CACNA1B: variants seen among roughly 807,000 people sequenced by gnomAD.
The protein encoded by CACNA1B is calcium voltage-gated channel subunit alpha1 B.
Under a neutral mutation model 247.2 loss-of-function variants are expected in CACNA1B, and 70 were observed. The observed-to-expected ratio is 0.28, with a 90% confidence interval of 0.23 to 0.35. CACNA1B has a LOEUF of 0.35. Among genes scored for constraint, CACNA1B ranks in the 10% least tolerant of loss-of-function variants. The pLI is 1.00. For synonymous variants in CACNA1B, 1,231 were observed against 1,294.4 expected (o/e 0.95, Z 1.05); for missense variants, 2,367 against 3,197.4 (o/e 0.74, Z 6.26).
At chr9:137,960,139 G>A (rs986678495) in intron 10 of CACNA1B, among the ~76,000 whole-genome samples, 2 of 136,492 alleles carry the variant, frequency 1.5e-5, no homozygotes, top group African/African-American at 2.8e-5. Flanking sequence ...GACCTGGAGA[G>A]AGAGGGGAGC....
At chr9:137,948,083 C>T (rs772206789) in intron 6 of CACNA1B, among the ~76,000 whole-genome samples, 8 of 148,568 alleles carry the variant, frequency 5.4e-5, no homozygotes, top group African/African-American at 7.6e-5. Context: ...CAAGCTCAAG[C>T]GATTTTCCTG....
At chr9:138,024,900 G>T (rs143939370) in intron 19 of CACNA1B, 55 bp from the exon 20 acceptor site, 1 of 1,284,842 alleles carries the variant, frequency 7.8e-7, no homozygotes. Context: ...TCCCGGTGCC[G>T]GGATCACAGG....
chr9:137,963,687 A>G (rs1958044973), intron 10 of CACNA1B, among the ~76,000 whole-genome samples: 1 of 152,172 alleles, frequency 6.6e-6, no homozygotes, highest in South Asian at 2.1e-4. Flanking sequence ...GTGAGCCACC[A>G]TGGCCCGCCT....
chr9:138,118,260 C>T (rs1391582916), intron 43 of CACNA1B, among the ~76,000 whole-genome samples, 179 bp downstream of exon 43: 9 of 21,998 alleles, frequency 4.1e-4, no homozygotes, highest in African/African-American at 2.1e-3. Context: ...TGTGTGAGAC[C>T]AGGGTGGGGG....
chr9:137,883,935 G>A (rs1199727925), intron 3 of CACNA1B, among the ~76,000 whole-genome samples: 2 of 150,934 alleles, frequency 1.3e-5, no homozygotes, highest in African/African-American at 2.4e-5. Context: ...GGTGGCAGAG[G>A]AGGAAGGAGA....
chr9:138,040,181 C>A (rs891488046), intron 20 of CACNA1B, among the ~76,000 whole-genome samples: 1 of 152,068 alleles, frequency 6.6e-6, no homozygotes, highest in African/African-American at 2.4e-5. Flanking sequence ...TCAAGTGATC[C>A]ACCTGCCTTG....
intron 15 of CACNA1B, among the ~76,000 whole-genome samples, chr9:137,994,975 C>T (rs886921609): frequency 3.9e-5 from 6 of 152,066 alleles, no homozygotes; most frequent in South Asian, 4.1e-4. Context: ...AAGGCCAAGG[C>T]GGGCAGATTA....
At chr9:137,980,836 TA>T (rs200168011) in intron 12 of CACNA1B, among the ~76,000 whole-genome samples, 1,635 of 152,346 alleles carry the variant, frequency 0.011, 10 homozygotes, top group African/African-American at 0.013. Flanking sequence ...AAATACATGT[TA>T]TTTTTTTTAA....
At chr9:137,995,690 T>G (rs1021875263) in intron 15 of CACNA1B, among the ~76,000 whole-genome samples, 2 of 152,178 alleles carry the variant, frequency 1.3e-5, no homozygotes, top group Non-Finnish European at 2.9e-5. Context: ...TGAGACTTAA[T>G]TAAACTACAA....
rs1003234791 is a variant in CACNA1B, at chr9:137,994,245, T to C, written c.1974+7391T>C. Among the ~76,000 whole-genome samples the C allele has an allele frequency of 3.3e-5, 5 of 152,282 alleles. No individual in the cohort carries two copies. The East Asian group carries it at 9.7e-4, about 29-fold the overall frequency. ...GACAAACCCACAGCCAACATAATAC[T>C]GAACCAGTAAAAGTTTGAAAGTATT... is the stretch of plus-strand genomic sequence containing the variant. On this transcript the variant is annotated intron_variant, in intron 15 of 46. Coordinates refer to ENST00000371372, the MANE Select transcript of CACNA1B (RefSeq NM_000718.4).
intron 20 of CACNA1B, among the ~76,000 whole-genome samples, chr9:138,042,155 A>C (rs1959131848): frequency 6.6e-6 from 1 of 152,134 alleles, no homozygotes; most frequent in South Asian, 2.1e-4. Flanking sequence ...GCATTTTATA[A>C]TTTTTGTTAT....
Position 137,952,266 on chromosome 9 carries a change from G to C in CACNA1B, c.967-8G>C, listed in dbSNP as rs78177919. 3 of 1,612,186 alleles carry C rather than the reference G, an allele frequency of 1.9e-6. No individual in the cohort carries two copies. The highest frequency in any genetic ancestry group is 2.5e-6 in the Non-Finnish European group (3 of 1,178,374). ...TGTCCTTCCTCATCTCCCTCTCCTT[G>C]CTTCCAGACAAACGATGCGGCCGGC... On this transcript the variant is annotated splice_region_variant and splice_polypyrimidine_tract_variant and intron_variant, in intron 6 of 46. Coordinates refer to ENST00000371372, the MANE Select transcript of CACNA1B (RefSeq NM_000718.4). This position sits in a 1 kb window ranked among gnomAD's most constrained non-coding sequence, Gnocchi z 4.8.
At chr9:137,980,282 T>G (rs536290646) in intron 12 of CACNA1B, among the ~76,000 whole-genome samples, 1 of 152,204 alleles carries the variant, frequency 6.6e-6, no homozygotes, top group African/African-American at 2.4e-5. Context: ...GCCTTAGACC[T>G]TTTCTGTCTG....
intron 26 of CACNA1B, among the ~76,000 whole-genome samples, chr9:138,055,129 CTT>C (rs1306363608): frequency 2.2e-4 from 31 of 140,560 alleles, no homozygotes; most frequent in Admixed American, 2.9e-4. Flanking sequence ...TTTTCTTTTT[CTT>C]TTTTTTTTTT....
chr9:137,946,506 A>G (rs962459418), intron 6 of CACNA1B, among the ~76,000 whole-genome samples: 1 of 151,892 alleles, frequency 6.6e-6, no homozygotes, highest in African/African-American at 2.4e-5. Flanking sequence ...AGCTATCCCT[A>G]TCATTCCTCG....
intron 12 of CACNA1B, among the ~76,000 whole-genome samples, chr9:137,978,043 C>G (rs1392490549): frequency 8.0e-6 from 1 of 124,844 alleles, no homozygotes; most frequent in African/African-American, 3.1e-5. Context: ...AGGGTGGGAG[C>G]ACTACCCTCC....
intron 46 of CACNA1B, 75 bp downstream of exon 46, chr9:138,120,956 G>A: frequency 6.8e-7 from 1 of 1,481,084 alleles, no homozygotes; most frequent in Non-Finnish European, 9.0e-7. Context: ...ACAGGCTCCT[G>A]CCTCTCCCCA....
intron 3 of CACNA1B, among the ~76,000 whole-genome samples, chr9:137,884,698 G>GGGCA (rs1956978879): frequency 6.6e-6 from 1 of 151,924 alleles, no homozygotes; most frequent in African/African-American, 2.4e-5. Flanking sequence ...GCGGGCCAGC[G>GGGCA]GGCAGCTGGG....
At position 138,057,808 on chromosome 9, in the gene CACNA1B, G is replaced by A. The variant is rs1959568678; in HGVS notation, c.4045G>A (p.Asp1349Asn). 1 of 1,613,038 alleles carries A rather than the reference G, an allele frequency of 6.2e-7. No individual in the cohort carries two copies. The highest frequency in any genetic ancestry group is 1.1e-5 in the South Asian group (1 of 90,878). The change falls in exon 27 of 47, where the codon GAC becomes AAC. Residue 1349 changes from aspartate to asparagine, a missense_variant. Asp to Asn is a conservative substitution (Grantham distance 23). Around this residue, in one of 12 missense-constraint regions of CACNA1B, gnomAD observed 436 missense variants for 679.5 expected, o/e 0.64. Coordinates refer to ENST00000371372, the MANE Select transcript of CACNA1B (RefSeq NM_000718.4). The surrounding 1 kb of genome is among the most constrained non-coding windows in gnomAD (Gnocchi z 4.0). The stretch of plus-strand genomic sequence containing the variant: ...GTGGAAGAAATACGACTTTCACTAC[G>A]ACAATGTGCTCTGGGCTCTGCTGAC... ...RQWKKYDFHY[D>N]NVLWALLTLF...
Sources: allele counts gnomAD v4.1 joint callset (sites outside exome capture counted in the v4.1 genomes callset), GRCh38; gene constraint gnomAD v4.1.1; regional missense constraint gnomAD v4.1.1; non-coding constraint Gnocchi (gnomAD v3.1); transcripts MANE v1.5; gene names NCBI Gene and HGNC (gene_info 2026-07-23, HGNC 2026-07-21).